The following TEX2 variants were observed in gnomAD, a reference collection of about 807,000 sequenced individuals.
TEX2 encodes the protein testis-expressed protein 2.
TEX2 carries 53 observed loss-of-function variants against 106.9 expected under a neutral mutation model. The observed-to-expected ratio is 0.50, with a 90% CI of 0.40 to 0.62. The LOEUF (loss-of-function observed/expected upper bound fraction) is 0.62. TEX2 is among the 20% of genes least tolerant of loss of function. TEX2 has a pLI of 0.00. For missense variants in TEX2, 1,207 were observed against 1,379.0 expected (o/e 0.88, Z 1.98); for synonymous variants, 523 against 534.8 (o/e 0.98, Z 0.30).
At chr17:64,228,412 C>CCT (rs2033565409) in intron 1 of TEX2, among the ~76,000 whole-genome samples, 1 of 152,072 alleles carries the variant, frequency 6.6e-6, no homozygotes, top group Non-Finnish European at 1.5e-5. Flanking sequence ...CAGTGGAAGC[C>CCT]CTGAGCTTGT....
chr17:64,194,319 T>C (rs1339877940), intron 3 of TEX2, among the ~76,000 whole-genome samples: 5 of 152,192 alleles, frequency 3.3e-5, no homozygotes, highest in East Asian at 1.9e-4. Flanking sequence ...AATAAACTTA[T>C]ATAAAAACTA....
At chr17:64,191,169 G>C (rs1041247648) in intron 4 of TEX2, among the ~76,000 whole-genome samples, 2 of 152,200 alleles carry the variant, frequency 1.3e-5, no homozygotes, top group African/African-American at 2.4e-5. Flanking sequence ...GACATTAGTG[G>C]TGTGTGAGCC....
chr17:64,194,021 A>G (rs946577884), intron 3 of TEX2, 132 bp from the exon 4 acceptor site: 13 of 525,296 alleles, frequency 2.5e-5, no homozygotes, highest in Non-Finnish European at 3.9e-5. Context: ...AACTTTCAAC[A>G]CTTGTTCATA....
At chr17:64,175,803 C>T (rs141183641) in intron 6 of TEX2, among the ~76,000 whole-genome samples, 171 of 152,326 alleles carry the variant, frequency 1.1e-3, no homozygotes, top group African/African-American at 4.1e-3. Context: ...TCAAGTATGT[C>T]CTGCTTTCTT....
intron 11 of TEX2, 152 bp from the exon 12 acceptor site, chr17:64,149,243 T>TA: frequency 1.3e-6 from 1 of 756,370 alleles, no homozygotes. Flanking sequence ...CCACCATACA[T>TA]ACTTTAGAAA....
chr17:64,251,914 A>G (rs1045915715), intron 1 of TEX2, among the ~76,000 whole-genome samples: 1 of 152,206 alleles, frequency 6.6e-6, no homozygotes, highest in Admixed American at 6.5e-5. Flanking sequence ...TAGTTTGCTG[A>G]TGGCAGTGAG....
chr17:64,182,896 C>A (rs2031933591), intron 5 of TEX2, among the ~76,000 whole-genome samples: 1 of 150,664 alleles, frequency 6.6e-6, no homozygotes, highest in African/African-American at 2.5e-5. Flanking sequence ...GGGTTGTTTG[C>A]CACTTTTGTT....
intron 8 of TEX2, among the ~76,000 whole-genome samples, chr17:64,160,386 C>A (rs1301995819): frequency 6.6e-6 from 1 of 152,222 alleles, no homozygotes; most frequent in African/African-American, 2.4e-5. Context: ...AATCAATCAT[C>A]TAATTATAAA....
Position 64,212,767 on chromosome 17 carries a change from T to G in TEX2, c.1451A>C (p.Tyr484Ser), listed in dbSNP as rs782586743. The G allele has an allele frequency of 3.5e-5, 57 of 1,614,016 alleles. No individual in the cohort carries two copies. The highest frequency in any genetic ancestry group is 4.7e-5 in the Non-Finnish European group (55 of 1,180,030). ...KTLGFFIMCV[Y>S]VYLILPLPHY... ...GGGGAGGGGGAGGATGAGGTACACATAGACACACATTATAAAGAAGCCCAA... is the reference window on the plus strand; with the variant it reads ...GGGGAGGGGGAGGATGAGGTACACAGAGACACACATTATAAAGAAGCCCAA... Residue 484 changes from tyrosine (Y) to serine (S), a missense_variant, in exon 2 of 12, where the codon TAT (tyrosine) becomes TCT (serine). By Grantham distance (144) the Tyr-to-Ser change is moderately radical. Coordinates refer to ENST00000584379, the MANE Select transcript of TEX2 (RefSeq NM_001288732.2).
Position 64,154,866 on chromosome 17 carries a change from T to C in TEX2, c.2906A>G (p.Lys969Arg), listed in dbSNP as rs745608322. 1.2e-6 allele frequency: 2 copies of C among 1,608,030 alleles called. No homozygotes were observed. The highest frequency in any genetic ancestry group is 1.7e-6 in the Non-Finnish European group (2 of 1,177,574). ...CCCTTCAGCCCCTGGGAGGAGCTGT[T>C]TGTCTCCCCCGCTGGGCTCTGGGGC... ...DDAPEPSGGD[K>R]QLLPGAEGYV... Residue 969 changes from lysine (K) to arginine (R), a missense_variant, in exon 9 of 12, where the codon AAA becomes AGA. Coordinates refer to ENST00000584379, the MANE Select transcript of TEX2 (RefSeq NM_001288732.2).
chr17:64,187,794 C>T (rs1329367057), intron 5 of TEX2, among the ~76,000 whole-genome samples: 94 of 152,298 alleles, frequency 6.2e-4, no homozygotes, highest in Non-Finnish European at 1.6e-4. Flanking sequence ...CTCACTCCCC[C>T]GTGACCAACA....
chr17:64,165,187 A>T (rs2031069342), intron 7 of TEX2, among the ~76,000 whole-genome samples: 1 of 152,234 alleles, frequency 6.6e-6, no homozygotes, highest in South Asian at 2.1e-4. Flanking sequence ...CAGCTCTGGG[A>T]AGAACACACC....
At chr17:64,251,122 TAAC>T (rs1243830611) in intron 1 of TEX2, among the ~76,000 whole-genome samples, 1 of 152,202 alleles carries the variant, frequency 6.6e-6, no homozygotes, top group Admixed American at 6.5e-5. Context: ...ACTCCAATCC[TAAC>T]AACCACCAGA....
Position 64,179,762 on chromosome 17 carries a change from T to C in TEX2, c.2425-2291A>G, listed in dbSNP as rs549518909. 7.6e-5 allele frequency among the ~76,000 whole-genome samples: 8 copies of C among 105,554 alleles called. No homozygotes were observed. The East Asian group carries it at 2.6e-3, about 34-fold the overall frequency. The allele number at this position is 105,554 out of a possible 152,430, so 69.2% of individuals were successfully genotyped here. On this transcript the variant is annotated intron_variant, in intron 5 of 11. Coordinates refer to ENST00000584379, the MANE Select transcript of TEX2 (RefSeq NM_001288732.2). Reference sequence around the variant, plus strand: ...GGTCTCCTTTATGAACGTTGGTGAGTCTCATTTAAAAAAAAAAATGGTTTA... The same window carrying C: ...GGTCTCCTTTATGAACGTTGGTGAGCCTCATTTAAAAAAAAAAATGGTTTA...
chr17:64,156,789 C>T (rs991164445), intron 8 of TEX2, among the ~76,000 whole-genome samples: 4 of 152,212 alleles, frequency 2.6e-5, no homozygotes, highest in Non-Finnish European at 5.9e-5. Flanking sequence ...CCACAAAGCA[C>T]AAAAGGCTGC....
rs1325087125 is a variant in TEX2, at chr17:64,210,393, G to T, written c.1644+2181C>A. ...CAAAACAAAAAGAGTGGGTGAGTAT[G>T]CATGTATGTGATGCATATCTTCATA... is the stretch of plus-strand genomic sequence containing the variant. On this transcript the variant is annotated intron_variant, in intron 2 of 11. Coordinates refer to ENST00000584379, the MANE Select transcript of TEX2 (RefSeq NM_001288732.2). Among the ~76,000 whole-genome samples the T allele has an allele frequency of 9.2e-5, 14 of 152,156 alleles. 1 individual carries two copies. The highest frequency in any genetic ancestry group is 7.9e-4 in the Admixed American group (12 of 15,278).
rs200078902 is a variant in TEX2 at position 64,212,551 on chromosome 17, C to G, written c.1644+23G>C. The G allele has an allele frequency of 6.3e-5, 101 of 1,594,222 alleles. No individual in the cohort carries two copies. The East Asian group carries it at 2.2e-3, about 35-fold the overall frequency. On this transcript the variant is annotated intron_variant, in intron 2 of 11. Coordinates refer to ENST00000584379, the MANE Select transcript of TEX2 (RefSeq NM_001288732.2). The stretch of plus-strand genomic sequence containing the variant: ...TGTATGTGAGAAGTGTGTGTACTAG[C>G]CAGCTCCCGGGGAGAGGCTTACCTT...
intron 8 of TEX2, chr17:64,155,282 A>C: frequency 8.6e-5 from 20 of 233,126 alleles, no homozygotes; most frequent in East Asian, 5.0e-4. Flanking sequence ...CGCACATAAA[A>C]TGCAGTGATT....
In TEX2 at chr17:64,263,237, G is replaced by T; in HGVS notation, c.-95C>A. The T allele has an allele frequency of 6.7e-6, 1 of 150,296 alleles. No individual in the cohort carries two copies. The highest frequency in any genetic ancestry group is 2.0e-4 in the South Asian group (1 of 5,128). The allele number at this position is 150,296 out of a possible 1,614,324, so 9.3% of individuals were successfully genotyped here. A position where few individuals can be genotyped will look rare whatever the true frequency, so the allele number is the denominator to read the frequency against. On this transcript the variant is annotated 5_prime_UTR_variant, in exon 1 of 12. Coordinates refer to ENST00000584379, the MANE Select transcript of TEX2 (RefSeq NM_001288732.2). ...CTCCCGGCCGCGCGACTCCGGCTTCGGCTGGGGCACCGGCCGCGGTCCTGC... is the reference window on the plus strand; with the variant it reads ...CTCCCGGCCGCGCGACTCCGGCTTCTGCTGGGGCACCGGCCGCGGTCCTGC...
Sources: allele counts gnomAD v4.1 joint callset (sites outside exome capture counted in the v4.1 genomes callset), GRCh38; gene constraint gnomAD v4.1.1; transcripts MANE v1.5; gene names NCBI Gene and HGNC (gene_info 2026-07-23, HGNC 2026-07-21).